CHRM3: variants seen among roughly 807,000 people sequenced by gnomAD.
CHRM3 encodes the protein cholinergic receptor muscarinic 3, also known as muscarinic acetylcholine receptor M3.
A neutral mutation model predicts 41.8 loss-of-function variants in CHRM3; 11 were observed. The ratio of observed to expected loss-of-function variants is 0.26; its 90% CI spans 0.17 to 0.44. The LOEUF is 0.44. Ranked by LOEUF, CHRM3 falls within the 20% of genes least tolerant of loss-of-function variation. The probability of loss-of-function intolerance (pLI) is 1.00; values close to 1 mark genes in which losing one functional copy is unlikely to be tolerated. For missense variants in CHRM3, 571 were observed against 745.4 expected (o/e 0.77, Z 2.72); for synonymous variants, 297 against 301.4 (o/e 0.99, Z 0.15).
intron 3 of CHRM3, among the ~76,000 whole-genome samples, chr1:239,564,555 A>T (rs1239225321): frequency 6.6e-6 from 1 of 152,200 alleles, no homozygotes; most frequent in African/African-American, 2.4e-5. Context: ...GAAACTAATT[A>T]TTCCATTCAA....
chr1:239,438,989 A>T lies in CHRM3; in HGVS notation c.-521+51762A>T, dbSNP rs374509952. ...GCAAACTGGTTTCCTTCATGAACAT[A>T]ATAATTCCCCTCCTGAGCAGTTGTG... is the stretch of plus-strand genomic sequence containing the variant. On this transcript the variant is annotated intron_variant, in intron 1 of 6. Transcript: ENST00000676153. 1.2e-4 allele frequency among the ~76,000 whole-genome samples: 18 copies of T among 152,336 alleles called. 1 individual carries two copies. The highest frequency in any genetic ancestry group is 3.1e-4 in the African/African-American group (13 of 41,584).
intron 4 of CHRM3, among the ~76,000 whole-genome samples, chr1:239,673,109 A>C (rs1287844219): frequency 6.6e-6 from 1 of 152,108 alleles, no homozygotes; most frequent in Admixed American, 6.6e-5. Context: ...AGAAGACAGA[A>C]TGGCTTCCCG....
chr1:239,392,586 G>A (rs941639574), intron 1 of CHRM3, among the ~76,000 whole-genome samples: 1 of 152,176 alleles, frequency 6.6e-6, no homozygotes, highest in Non-Finnish European at 1.5e-5. Flanking sequence ...TTTAAACCAA[G>A]GTGAAATACT....
intron 1 of CHRM3, among the ~76,000 whole-genome samples, chr1:239,447,919 A>G (rs1320022076): frequency 6.6e-6 from 1 of 152,200 alleles, no homozygotes; most frequent in African/African-American, 2.4e-5. Flanking sequence ...TGGGTTTGAT[A>G]TGTCATCATT....
intron 1 of CHRM3, among the ~76,000 whole-genome samples, chr1:239,461,376 G>C (rs557655714): frequency 2.5e-4 from 38 of 152,174 alleles, no homozygotes; most frequent in Middle Eastern, 3.4e-3. Flanking sequence ...TGGGGTGTTT[G>C]AATCTCAAGC....
At chr1:239,800,606 CA>C (rs1171966868) in intron 5 of CHRM3, among the ~76,000 whole-genome samples, 1 of 152,206 alleles carries the variant, frequency 6.6e-6, no homozygotes, top group Non-Finnish European at 1.5e-5. Flanking sequence ...GCAATTCTTA[CA>C]ACGTCCAAGT....
chr1:239,559,995 G>A (rs1021786551), intron 3 of CHRM3, among the ~76,000 whole-genome samples: 1 of 152,126 alleles, frequency 6.6e-6, no homozygotes, highest in African/African-American at 2.4e-5. Context: ...GTGATAGATG[G>A]ACTAACTACA....
Position 239,386,947 on chromosome 1 carries a change from C to T in CHRM3, c.-801C>T, listed in dbSNP as rs1658557798. ...TGTGACGCGCGGCCGCAGCTGCCCG[C>T]GGGCGGAGCGCTCTCAGACCCCGGA... On this transcript the variant is annotated 5_prime_UTR_variant, in exon 1 of 7. Transcript: ENST00000676153. 1 of 152,060 alleles carries T rather than the reference C, an allele frequency of 6.6e-6. No homozygotes were observed. Among genetic ancestry groups the T allele is most frequent in the South Asian group, 2.1e-4 (1 of 4,828 alleles). 9.4% of individuals were successfully genotyped at this position (152,060 alleles called of 1,614,324 possible). A position where few individuals can be genotyped will look rare whatever the true frequency, so the allele number is the denominator to read the frequency against.
At chr1:239,531,481 C>T (rs893180907) in intron 2 of CHRM3, among the ~76,000 whole-genome samples, 2 of 151,972 alleles carry the variant, frequency 1.3e-5, no homozygotes, top group East Asian at 3.9e-4. Flanking sequence ...ATAGTTTGAT[C>T]ACGTCAATAC....
intron 5 of CHRM3, among the ~76,000 whole-genome samples, chr1:239,711,260 G>A (rs1661753068): frequency 6.6e-6 from 1 of 151,922 alleles, no homozygotes; most frequent in South Asian, 2.1e-4. Context: ...TTGCTCCTCT[G>A]AGACTGGATA....
chr1:239,776,812 A>G (rs1040127880), intron 5 of CHRM3, among the ~76,000 whole-genome samples: 2 of 152,164 alleles, frequency 1.3e-5, no homozygotes, highest in African/African-American at 4.8e-5. Flanking sequence ...GGAAGCAAAC[A>G]TGTCCTTCGT....
At chr1:239,665,546 G>T (rs563861735) in intron 4 of CHRM3, among the ~76,000 whole-genome samples, 6 of 152,016 alleles carry the variant, frequency 3.9e-5, no homozygotes, top group African/African-American at 1.4e-4. Flanking sequence ...TATATTTTAA[G>T]TTCTGGCGTA....
chr1:239,678,464 C>T (rs1275154860), intron 5 of CHRM3, among the ~76,000 whole-genome samples, 176 bp downstream of exon 5: 4 of 152,156 alleles, frequency 2.6e-5, no homozygotes, highest in African/African-American at 9.7e-5. Context: ...TCCACAACTC[C>T]TGAAGACTAC....
chr1:239,623,503 T>A (rs1349085317), intron 3 of CHRM3, among the ~76,000 whole-genome samples: 2 of 146,766 alleles, frequency 1.4e-5, no homozygotes, highest in African/African-American at 2.5e-5. Context: ...TTTTAATTTT[T>A]TTTTTTTATT....
At chr1:239,592,967 C>CACCT (rs1664351031) in intron 3 of CHRM3, among the ~76,000 whole-genome samples, 4 of 152,220 alleles carry the variant, frequency 2.6e-5, no homozygotes, top group African/African-American at 9.6e-5. Context: ...TAGGCTCCAT[C>CACCT]ACCTACCCTG....
In CHRM3 at chr1:239,773,641, A is replaced by C. The variant is rs1270383520; in HGVS notation, c.-146-53611A>C. Among the ~76,000 whole-genome samples the C allele has an allele frequency of 2.0e-5, 3 of 152,234 alleles. No homozygotes were observed. The East Asian group carries it at 5.8e-4, about 29-fold the overall frequency. ...TTTTCTTTGTCTTATAATTCTGAAAAGGAAGTCCTCACTAGCAGTCCTACC... is the reference window on the plus strand; with the variant it reads ...TTTTCTTTGTCTTATAATTCTGAAACGGAAGTCCTCACTAGCAGTCCTACC... On this transcript the variant is annotated intron_variant, in intron 5 of 6. Coordinates refer to ENST00000676153, the MANE Select transcript of CHRM3 (RefSeq NM_001375978.1).
At chr1:239,402,280 G>T (rs977948700) in intron 1 of CHRM3, among the ~76,000 whole-genome samples, 1 of 152,144 alleles carries the variant, frequency 6.6e-6, no homozygotes, top group Non-Finnish European at 1.5e-5. Flanking sequence ...TGTTTGCAAA[G>T]ATAACTTCCC....
chr1:239,616,652 C>T (rs1408858226), intron 3 of CHRM3, among the ~76,000 whole-genome samples: 1 of 152,074 alleles, frequency 6.6e-6, no homozygotes, highest in East Asian at 1.9e-4. Flanking sequence ...AACAGCTGTA[C>T]AACAGGAATT....
chr1:239,643,346 A>T (rs941537734), intron 4 of CHRM3, among the ~76,000 whole-genome samples: 1 of 152,098 alleles, frequency 6.6e-6, no homozygotes, highest in African/African-American at 2.4e-5. Flanking sequence ...CTATCTTTTT[A>T]TTTGTCTGTG....
Sources: allele counts gnomAD v4.1 joint callset (sites outside exome capture counted in the v4.1 genomes callset), GRCh38; gene constraint gnomAD v4.1.1; transcripts MANE v1.5; gene names NCBI Gene and HGNC (gene_info 2026-07-23, HGNC 2026-07-21).